The following TMOD1 variants were observed in gnomAD, a reference collection of about 807,000 sequenced individuals.
TMOD1 encodes the protein tropomodulin-1.
TMOD1 carries 17 observed loss-of-function variants against 40.6 expected under a neutral mutation model. The observed-to-expected ratio is 0.42, with a 90% CI of 0.29 to 0.63. TMOD1 has a LOEUF of 0.63. Ranked by LOEUF, TMOD1 falls within the 20% of genes least tolerant of loss-of-function variation. The pLI is 0.22. For synonymous variants in TMOD1, 181 were observed against 175.0 expected, an observed-to-expected ratio of 1.03 and a Z score of -0.27; for missense variants, 391 against 447.6, an observed-to-expected ratio of 0.87 and a Z score of 1.14.
chr9:97,559,795 ATAT>A (rs1217586793), intron 4 of TMOD1, among the ~76,000 whole-genome samples: 1 of 11,080 alleles, frequency 9.0e-5, no homozygotes, highest in Admixed American at 1.4e-3. Context: ...AAAAAAAAAA[ATAT>A]ATATATATAT....
At chr9:97,592,302 G>A (rs1341404884) in intron 9 of TMOD1, among the ~76,000 whole-genome samples, 1 of 152,036 alleles carries the variant, frequency 6.6e-6, no homozygotes, top group African/African-American at 2.4e-5. Context: ...AAGAAAAGCA[G>A]TAGGTCTATA....
At chr9:97,508,162 G>A (rs1370858420) in intron 1 of TMOD1, among the ~76,000 whole-genome samples, 1 of 151,110 alleles carries the variant, frequency 6.6e-6, no homozygotes. Context: ...TACTGGCTCT[G>A]TAATCTCAGG....
At chr9:97,592,475 G>C (rs1177176896) in intron 9 of TMOD1, among the ~76,000 whole-genome samples, 1 of 151,796 alleles carries the variant, frequency 6.6e-6, no homozygotes, top group Non-Finnish European at 1.5e-5. Context: ...ATTGTGAAAT[G>C]AACTTGTGTT....
Position 97,567,603 on chromosome 9 carries a change from T to A in TMOD1, c.727-1291T>A, listed in dbSNP as rs1830748219. 2.0e-5 allele frequency among the ~76,000 whole-genome samples: 3 copies of A among 152,182 alleles called. No homozygotes were observed. In the South Asian group the frequency reaches 6.2e-4, roughly 31 times the overall value. On this transcript the variant is annotated intron_variant, in intron 7 of 9. Coordinates refer to ENST00000259365, the MANE Select transcript of TMOD1 (RefSeq NM_003275.4). ...TGGTTGTTATTTTGATTTTTTTTATTAGATTTGATTAAGCCAGGCCAGGCC... is the reference window on the plus strand; with the variant it reads ...TGGTTGTTATTTTGATTTTTTTTATAAGATTTGATTAAGCCAGGCCAGGCC...
chr9:97,527,193 A>G (rs955239682), intron 2 of TMOD1, among the ~76,000 whole-genome samples: 14 of 152,378 alleles, frequency 9.2e-5, no homozygotes, highest in Middle Eastern at 3.4e-3. Context: ...TTCTGTTCTA[A>G]TTCTATCCTA....
At chr9:97,543,878 C>A (rs1353196811) in intron 2 of TMOD1, among the ~76,000 whole-genome samples, 1 of 152,188 alleles carries the variant, frequency 6.6e-6, no homozygotes, top group Non-Finnish European at 1.5e-5. Flanking sequence ...ACCTGTCCTG[C>A]CTATCATGGT....
At chr9:97,596,126 A>G (rs1340109807) in intron 9 of TMOD1, among the ~76,000 whole-genome samples, 1 of 151,390 alleles carries the variant, frequency 6.6e-6, no homozygotes, top group Non-Finnish European at 1.5e-5. Context: ...CAGCCACCCA[A>G]GCCAGAAATC....
At chr9:97,554,687 C>A (rs998149390) in intron 4 of TMOD1, among the ~76,000 whole-genome samples, 3 of 152,048 alleles carry the variant, frequency 2.0e-5, no homozygotes, top group African/African-American at 7.2e-5. Flanking sequence ...AGTGAGGGTT[C>A]AGGGCTGGCC....
At chr9:97,552,806 C>G (rs141233577) in intron 3 of TMOD1, among the ~76,000 whole-genome samples, 1 of 152,292 alleles carries the variant, frequency 6.6e-6, no homozygotes, top group East Asian at 1.9e-4. Flanking sequence ...CTTTACTCCC[C>G]TTATTCCGTT....
chr9:97,559,794 A>AAATATAT (rs1390791825), intron 4 of TMOD1, among the ~76,000 whole-genome samples: 35 of 23,144 alleles, frequency 1.5e-3, no homozygotes, highest in South Asian at 6.4e-3. Flanking sequence ...AAAAAAAAAA[A>AAATATAT]ATATATATAT....
chr9:97,559,799 A>C lies in TMOD1; in HGVS notation c.398-2933A>C, dbSNP rs1270136198. Among the ~76,000 whole-genome samples the C allele has an allele frequency of 4.5e-3, 124 of 27,716 alleles. 4 individuals are homozygous for C. Among genetic ancestry groups the C allele is most frequent in the Non-Finnish European group, 5.4e-3 (76 of 13,956 alleles). The allele number at this position is 27,716 out of a possible 152,430, so 18.2% of individuals were successfully genotyped here. A position where few individuals can be genotyped will look rare whatever the true frequency, so the allele number is the denominator to read the frequency against. On this transcript the variant is annotated intron_variant, in intron 4 of 9. Transcript: ENST00000259365. Reference sequence around the variant, plus strand: ...AAAAAAAAAAAAAAAAAAAAAATATATATATATATATATATATATATATAT... The same window carrying C: ...AAAAAAAAAAAAAAAAAAAAAATATCTATATATATATATATATATATATAT...
At chr9:97,586,894 C>T (rs963262098) in intron 8 of TMOD1, among the ~76,000 whole-genome samples, 4 of 152,364 alleles carry the variant, frequency 2.6e-5, no homozygotes, top group South Asian at 2.1e-4. Context: ...CACTGACCCG[C>T]GCCCACTGTC....
intron 2 of TMOD1, among the ~76,000 whole-genome samples, chr9:97,524,816 T>TC (rs1829981134): frequency 1.3e-5 from 2 of 149,720 alleles, no homozygotes; most frequent in Non-Finnish European, 2.9e-5. Flanking sequence ...GAGGGTCAGC[T>TC]TTTTTTCCCT....
chr9:97,580,441 C>T (rs1392618598), intron 8 of TMOD1, among the ~76,000 whole-genome samples: 1 of 152,048 alleles, frequency 6.6e-6, no homozygotes, highest in Non-Finnish European at 1.5e-5. Context: ...CCCATCTCTA[C>T]TAAAAACACA....
In TMOD1 at chr9:97,524,419, T is replaced by C. The variant is rs928302812; in HGVS notation, c.120+111T>C. On this transcript the variant is annotated intron_variant, in intron 2 of 9. Transcript: ENST00000259365. ...CCTTTTTCCTTCCATGGCAATGACA[T>C]TGGTATAACTTTGCCTTTGCAGATT... The C allele has an allele frequency of 1.7e-5, 23 of 1,356,226 alleles. No homozygotes were observed. The South Asian group carries it at 3.0e-4, about 18-fold the overall frequency. 84.0% of individuals were successfully genotyped at this position (1,356,226 alleles called of 1,614,324 possible). A position where few individuals can be genotyped will look rare whatever the true frequency, so the allele number is the denominator to read the frequency against.
intron 1 of TMOD1, among the ~76,000 whole-genome samples, chr9:97,515,875 C>T (rs1829797329): frequency 1.3e-5 from 2 of 152,094 alleles, no homozygotes; most frequent in Non-Finnish European, 2.9e-5. Flanking sequence ...TGACAACACG[C>T]CCCCGGGGAC....
At chr9:97,546,027 A>G (rs1472738982) in intron 2 of TMOD1, among the ~76,000 whole-genome samples, 158 bp from the exon 3 acceptor site, 7 of 151,960 alleles carry the variant, frequency 4.6e-5, no homozygotes, top group African/African-American at 1.7e-4. Context: ...CAGATTCCTT[A>G]CTTGTAAAAC....
chr9:97,556,017 G>A (rs1322008803), intron 4 of TMOD1, among the ~76,000 whole-genome samples: 1 of 152,036 alleles, frequency 6.6e-6, no homozygotes, highest in Non-Finnish European at 1.5e-5. Flanking sequence ...ATTAGAAAAG[G>A]CTCTGGATGC....
intron 4 of TMOD1, chr9:97,555,648 G>A (rs1228650634): frequency 1.9e-6 from 3 of 1,550,956 alleles, no homozygotes; most frequent in African/African-American, 1.4e-5. Flanking sequence ...TTTGAAAGAT[G>A]GCAGCATCTC....
Sources: gnomAD v4.1 joint callset for allele counts (sites outside exome capture counted in the v4.1 genomes callset) on GRCh38, gnomAD v4.1.1 for gene constraint, MANE v1.5 for transcripts, NCBI Gene and HGNC (gene_info 2026-07-23, HGNC 2026-07-21) for gene names.